The following XRCC4 variants were observed in gnomAD, a reference collection of about 807,000 sequenced individuals.
XRCC4 encodes X-ray repair cross complementing 4.
Under a neutral mutation model 39.1 loss-of-function variants are expected in XRCC4, and 28 were observed. That is an observed-to-expected ratio of 0.72 (90% CI 0.53 to 0.98). The LOEUF (loss-of-function observed/expected upper bound fraction) is 0.98. Ranked by LOEUF, XRCC4 falls within the 50% of genes least tolerant of loss-of-function variation. The probability of loss-of-function intolerance (pLI) is 0.00; values close to 1 mark genes in which losing one functional copy is unlikely to be tolerated. For synonymous variants in XRCC4, 123 were observed against 126.4 expected (o/e 0.97, Z 0.18); for missense variants, 350 against 376.4 (o/e 0.93, Z 0.58).
intron 3 of XRCC4, among the ~76,000 whole-genome samples, chr5:83,160,833 T>C (rs1438940155): frequency 6.6e-6 from 1 of 151,538 alleles, no homozygotes; most frequent in East Asian, 2.0e-4. Flanking sequence ...TCTTTTAAGC[T>C]TTTCACACTT....
intron 3 of XRCC4, among the ~76,000 whole-genome samples, chr5:83,112,307 A>G (rs761184276): frequency 1.4e-4 from 21 of 152,176 alleles, no homozygotes; most frequent in South Asian, 6.2e-4. Context: ...ATCGGATGAT[A>G]TTATATGTTA....
rs116323825 is a variant in XRCC4, at chr5:83,167,359, A to G, written c.316-28411A>G. ...CAGTGATATTCATGAAAGTAATGTG[A>G]GTGATCAGATTTGTGTTGCATGAGA... On this transcript the variant is annotated intron_variant, in intron 3 of 7. Coordinates refer to ENST00000396027, the MANE Select transcript of XRCC4 (RefSeq NM_003401.5). Among the ~76,000 whole-genome samples, 491 of 152,246 alleles carry G rather than the reference A, an allele frequency of 3.2e-3. 2 individuals are homozygous for G. The highest frequency in any genetic ancestry group is 0.011 in the African/African-American group (468 of 41,534).
chr5:83,334,188 A>G (rs1184013323), intron 7 of XRCC4, among the ~76,000 whole-genome samples: 2 of 152,190 alleles, frequency 1.3e-5, no homozygotes, highest in African/African-American at 2.4e-5. Flanking sequence ...ATCACATCAT[A>G]TCAAAATAGA....
rs1470767843 is a variant in XRCC4, at chr5:83,348,531, G to A, written c.894-4600G>A. On this transcript the variant is annotated intron_variant, in intron 7 of 7. Transcript: ENST00000396027. ...GGAGCGGGAGCAGCCACAATGCAGGGTGCCATGTCCCAAGACTGCACAGTG... is the reference window on the plus strand; with the variant it reads ...GGAGCGGGAGCAGCCACAATGCAGGATGCCATGTCCCAAGACTGCACAGTG... Among the ~76,000 whole-genome samples, 5 of 152,352 alleles carry A rather than the reference G, an allele frequency of 3.3e-5. No homozygotes were observed. In the East Asian group the frequency reaches 9.7e-4, roughly 29 times the overall value.
chr5:83,332,226 TACACAC>T (rs67822741), intron 7 of XRCC4, among the ~76,000 whole-genome samples: 2,530 of 142,008 alleles, frequency 0.018, 63 homozygotes, highest in African/African-American at 0.053. Flanking sequence ...TTCAATCTTC[TACACAC>T]ACACACACAC....
At chr5:83,101,386 G>T (rs940357452) in intron 1 of XRCC4, among the ~76,000 whole-genome samples, 18 of 152,064 alleles carry the variant, frequency 1.2e-4, no homozygotes, top group East Asian at 9.6e-4. Flanking sequence ...TCATTTTACA[G>T]TCTGATAAAT....
chr5:83,239,035 A>G (rs1752802697), intron 6 of XRCC4, among the ~76,000 whole-genome samples: 1 of 152,214 alleles, frequency 6.6e-6, no homozygotes, highest in Non-Finnish European at 1.5e-5. Flanking sequence ...TTCTGTTCTC[A>G]CAGAATTTTA....
intron 4 of XRCC4, among the ~76,000 whole-genome samples, chr5:83,197,781 T>A (rs1183502052): frequency 6.6e-6 from 1 of 152,162 alleles, no homozygotes; most frequent in African/African-American, 2.4e-5. Flanking sequence ...GTGTCAGATG[T>A]CTTCTTCAGG....
chr5:83,362,582 TAAAAC>T, the XRCC4 span, among the ~76,000 whole-genome samples: 14 of 152,224 alleles, frequency 9.2e-5, no homozygotes, highest in African/African-American at 3.4e-4. Context: ...AAGTATATAA[TAAAAC>T]AAACACTAGT....
chr5:83,203,981 A>G (rs901489372), intron 5 of XRCC4, among the ~76,000 whole-genome samples: 2 of 152,156 alleles, frequency 1.3e-5, no homozygotes, highest in Non-Finnish European at 2.9e-5. Flanking sequence ...CATTAGTAAG[A>G]CATACTAATT....
chr5:83,102,911 G>A (rs1362782544), intron 1 of XRCC4, among the ~76,000 whole-genome samples: 2 of 151,146 alleles, frequency 1.3e-5, no homozygotes, highest in African/African-American at 4.9e-5. Flanking sequence ...ACCACTTAGT[G>A]TGTGATCTTG....
chr5:83,181,053 C>CTT (rs374001978), intron 3 of XRCC4, among the ~76,000 whole-genome samples: 50,783 of 139,154 alleles, frequency 0.36, 9,465 homozygotes, highest in Non-Finnish European at 0.41. Flanking sequence ...TTTAAACTTT[C>CTT]TTTTTTTTTT....
chr5:83,164,402 A>G (rs1350922530), intron 3 of XRCC4, among the ~76,000 whole-genome samples: 1 of 152,190 alleles, frequency 6.6e-6, no homozygotes, highest in Non-Finnish European at 1.5e-5. Flanking sequence ...ACTAAAATCA[A>G]AAACAACAAA....
chr5:83,178,155 T>G (rs1750043964), intron 3 of XRCC4, among the ~76,000 whole-genome samples: 1 of 151,906 alleles, frequency 6.6e-6, no homozygotes, highest in African/African-American at 2.4e-5. Flanking sequence ...TGGGTAGAGG[T>G]TTCGGTTACT....
chr5:83,133,907 C>T (rs184580662), intron 3 of XRCC4, among the ~76,000 whole-genome samples: 3 of 152,292 alleles, frequency 2.0e-5, no homozygotes, highest in Admixed American at 6.5e-5. Context: ...TGGTGCTTGC[C>T]AAGGCTGGAG....
chr5:83,353,241 A>T lies in XRCC4; in HGVS notation c.1004A>T (p.Ter335LeuextTer7). 1 of 1,585,724 alleles carries T rather than the reference A, an allele frequency of 6.3e-7. No homozygotes were observed. ...SSPEDLFDEI[*>L] ...CCAGAAGACCTCTTTGATGAGATTT[A>T]ACAGTCTCAAAAAATACTTTGATGT... Residue 335 changes from the stop codon to leucine, a stop_lost, in exon 8 of 8, where the codon TAA (stop) becomes TTA (leucine). Coordinates refer to ENST00000396027, the MANE Select transcript of XRCC4 (RefSeq NM_003401.5).
intron 1 of XRCC4, among the ~76,000 whole-genome samples, chr5:83,079,794 A>G (rs371701095): frequency 6.6e-6 from 1 of 152,086 alleles, no homozygotes; most frequent in Non-Finnish European, 1.5e-5. Flanking sequence ...TCGGCCTCCC[A>G]AAGTGCTGGG....
chr5:83,217,454 G>A (rs912827177), intron 6 of XRCC4, among the ~76,000 whole-genome samples: 5 of 151,610 alleles, frequency 3.3e-5, no homozygotes, highest in African/African-American at 1.2e-4. Context: ...AAAAGTGCAA[G>A]TTTCATTCAA....
At chr5:83,342,686 T>G (rs1580532275) in intron 7 of XRCC4, among the ~76,000 whole-genome samples, 1 of 152,332 alleles carries the variant, frequency 6.6e-6, no homozygotes, top group East Asian at 1.9e-4. Context: ...AGCACTGGTT[T>G]TACTGAATCT....
Sources: gnomAD v4.1 joint callset for allele counts (sites outside exome capture counted in the v4.1 genomes callset) on GRCh38, gnomAD v4.1.1 for gene constraint, MANE v1.5 for transcripts, NCBI Gene and HGNC (gene_info 2026-07-23, HGNC 2026-07-21) for gene names.